Variants in RGS7BP observed in about 807,000 individuals in gnomAD.
The protein encoded by RGS7BP is regulator of G protein signaling 7-binding protein.
In RGS7BP, 9 loss-of-function variants were observed where a neutral mutation model predicts 31.3. The observed-to-expected ratio is 0.29, with a 90% confidence interval of 0.17 to 0.50. The LOEUF (loss-of-function observed/expected upper bound fraction) is 0.50, where lower values mean the gene tolerates loss of function less well. Ranked by LOEUF, RGS7BP falls within the 20% of genes least tolerant of loss-of-function variation. RGS7BP has a pLI of 0.98. For missense variants in RGS7BP, 274 were observed against 322.0 expected (o/e 0.85, Z 1.14); for synonymous variants, 115 against 120.1 (o/e 0.96, Z 0.28).
intron 2 of RGS7BP, among the ~76,000 whole-genome samples, chr5:64,511,310 A>T (rs1156473231): frequency 6.6e-6 from 1 of 152,218 alleles, no homozygotes; most frequent in Non-Finnish European, 1.5e-5. Context: ...TTTCAAAGGC[A>T]TCAGATATCT....
rs889247 is a variant in RGS7BP at position 64,610,758 on chromosome 5, G to T, written c.*1506G>T. The T allele has an allele frequency of 0.96, 145,974 of 152,048 alleles. 70,414 individuals carry two copies. The highest frequency in any genetic ancestry group is 0.99 in the African/African-American group (41,206 of 41,536). The allele number at this position is 152,048 out of a possible 1,614,324, so 9.4% of individuals were successfully genotyped here. A position where few individuals can be genotyped will look rare whatever the true frequency, so the allele number is the denominator to read the frequency against. Reference sequence around the variant, plus strand: ...TTGAATTATATGAAATTTCCTATATGTGACTGTTTTGACCTACAAAATGGC... The same window carrying T: ...TTGAATTATATGAAATTTCCTATATTTGACTGTTTTGACCTACAAAATGGC... On this transcript the variant is annotated 3_prime_UTR_variant, in exon 6 of 6. Coordinates refer to ENST00000334025, the MANE Select transcript of RGS7BP (RefSeq NM_001029875.3).
intron 2 of RGS7BP, among the ~76,000 whole-genome samples, chr5:64,512,788 G>T (rs904978599): frequency 2.8e-4 from 43 of 152,224 alleles, no homozygotes; most frequent in African/African-American, 1.0e-3. Context: ...AAGTTTCCCA[G>T]ATGGCTATCA....
intron 5 of RGS7BP, chr5:64,601,514 A>T: frequency 1.2e-6 from 1 of 800,074 alleles, no homozygotes; most frequent in Non-Finnish European, 1.5e-6. Context: ...CTTCATTTTC[A>T]GCCTTTTCTT....
chr5:64,507,336 A>G (rs1748720571), intron 1 of RGS7BP, among the ~76,000 whole-genome samples: 1 of 152,104 alleles, frequency 6.6e-6, no homozygotes, highest in Non-Finnish European at 1.5e-5. Context: ...CTTAAAAGCC[A>G]TGTCCTAGCA....
chr5:64,508,448 CAATA>C (rs1748751576), intron 2 of RGS7BP, among the ~76,000 whole-genome samples: 1 of 152,166 alleles, frequency 6.6e-6, no homozygotes, highest in Non-Finnish European at 1.5e-5. Flanking sequence ...TCACATATCT[CAATA>C]AACCTAACAT....
At position 64,552,631 on chromosome 5, in the gene RGS7BP, C is replaced by G. The variant is rs114880289; in HGVS notation, c.333-23143C>G. On this transcript the variant is annotated intron_variant, in intron 2 of 5. Coordinates refer to ENST00000334025, the MANE Select transcript of RGS7BP (RefSeq NM_001029875.3). Reference sequence around the variant, plus strand: ...AATGAGAATTTCCACTCTGCATCATCAACTTTTATCACCTGGGTCTGAATT... The same window carrying G: ...AATGAGAATTTCCACTCTGCATCATGAACTTTTATCACCTGGGTCTGAATT... 9.0e-3 allele frequency among the ~76,000 whole-genome samples: 1,369 copies of G among 152,306 alleles called. 23 individuals carry two copies. Among genetic ancestry groups the G allele is most frequent in the African/African-American group, 0.031 (1,286 of 41,562 alleles).
At chr5:64,507,588 T>C (rs1034844713) in intron 1 of RGS7BP, 123 bp from the exon 2 acceptor site, 2 of 802,296 alleles carry the variant, frequency 2.5e-6, no homozygotes, top group Non-Finnish European at 3.8e-6. Context: ...CCTAGGTTCC[T>C]TAGCTGGAGA....
At position 64,605,627 on chromosome 5, in the gene RGS7BP, T is replaced by G. The variant is rs371337599; in HGVS notation, c.683-3534T>G. 6.6e-5 allele frequency among the ~76,000 whole-genome samples: 10 copies of G among 152,142 alleles called. No individual in the cohort carries two copies. The East Asian group carries it at 7.7e-4, about 12-fold the overall frequency. On this transcript the variant is annotated intron_variant, in intron 5 of 5. Coordinates refer to ENST00000334025, the MANE Select transcript of RGS7BP (RefSeq NM_001029875.3). ...CTATGGTGTAGAAAGCTGCTCTGAATTTCTGCCAATAATTTTTTAGCTTTT... is the reference window on the plus strand; with the variant it reads ...CTATGGTGTAGAAAGCTGCTCTGAAGTTCTGCCAATAATTTTTTAGCTTTT...
At chr5:64,546,286 C>T (rs1741657099) in intron 2 of RGS7BP, among the ~76,000 whole-genome samples, 1 of 152,004 alleles carries the variant, frequency 6.6e-6, no homozygotes. Context: ...ATGAAGAGTG[C>T]TAGGGCAGAA....
At chr5:64,605,407 T>C (rs1262738872) in intron 5 of RGS7BP, among the ~76,000 whole-genome samples, 1 of 152,026 alleles carries the variant, frequency 6.6e-6, no homozygotes, top group Non-Finnish European at 1.5e-5. Flanking sequence ...GTTTTAGGAC[T>C]AGCAGCAATG....
intron 2 of RGS7BP, among the ~76,000 whole-genome samples, chr5:64,548,851 CT>C (rs555751491): frequency 4.3e-3 from 597 of 137,334 alleles, no homozygotes; most frequent in South Asian, 7.5e-3. Context: ...AAGCCCTTTC[CT>C]TTTTTTTTTT....
At chr5:64,606,035 T>G (rs200764666) in intron 5 of RGS7BP, among the ~76,000 whole-genome samples, 3,611 of 122,004 alleles carry the variant, frequency 0.03, 184 homozygotes, top group Non-Finnish European at 0.044. Flanking sequence ...TATATATATA[T>G]ATATAGAGAG....
intron 3 of RGS7BP, among the ~76,000 whole-genome samples, chr5:64,576,820 A>G (rs1057066132): frequency 2.0e-4 from 30 of 152,156 alleles, no homozygotes; most frequent in African/African-American, 7.0e-4. Context: ...AGAAGACTCA[A>G]CCTGTATTTT....
intron 2 of RGS7BP, among the ~76,000 whole-genome samples, chr5:64,542,931 A>G (rs1342717171): frequency 6.6e-6 from 1 of 151,974 alleles, no homozygotes; most frequent in East Asian, 1.9e-4. Context: ...GAACTCCTTT[A>G]CCCTCTTCCA....
intron 3 of RGS7BP, among the ~76,000 whole-genome samples, chr5:64,592,685 T>C (rs2111952340): frequency 6.6e-6 from 1 of 152,240 alleles, no homozygotes; most frequent in South Asian, 2.1e-4. Context: ...GCCCCAAAGC[T>C]AGACAAAGCC....
At chr5:64,545,886 G>T (rs1178502690) in intron 2 of RGS7BP, among the ~76,000 whole-genome samples, 1 of 152,132 alleles carries the variant, frequency 6.6e-6, no homozygotes, top group African/African-American at 2.4e-5. Flanking sequence ...AAATGGATCT[G>T]GACCTTGGTA....
At chr5:64,510,741 G>A (rs538910604) in intron 2 of RGS7BP, among the ~76,000 whole-genome samples, 10 of 152,176 alleles carry the variant, frequency 6.6e-5, no homozygotes, top group Admixed American at 1.3e-4. Context: ...CATCATCACC[G>A]TGATTAACAC....
At chr5:64,511,120 T>TAC (rs1400447786) in intron 2 of RGS7BP, among the ~76,000 whole-genome samples, 28 of 152,342 alleles carry the variant, frequency 1.8e-4, no homozygotes, top group African/African-American at 6.7e-4. Context: ...CCACTAATGC[T>TAC]ACATACCTTT....
In RGS7BP at chr5:64,507,897, T is replaced by C. The variant is rs1217923223; in HGVS notation, c.332+20T>C. The C allele has an allele frequency of 6.2e-7, 1 of 1,604,800 alleles. No individual in the cohort carries two copies. The highest frequency in any genetic ancestry group is 1.1e-5 in the South Asian group (1 of 90,414). On this transcript the variant is annotated intron_variant, in intron 2 of 5. Coordinates refer to ENST00000334025, the MANE Select transcript of RGS7BP (RefSeq NM_001029875.3). ...CTCAGGGTAGGAGACTCGGCATTAT[T>C]TGGTAATCCATATACATGATGCATG...
Sources: gnomAD v4.1 joint callset for allele counts (sites outside exome capture counted in the v4.1 genomes callset) on GRCh38, gnomAD v4.1.1 for gene constraint, MANE v1.5 for transcripts, NCBI Gene and HGNC (gene_info 2026-07-23, HGNC 2026-07-21) for gene names.